SSU72: variants seen among roughly 807,000 people sequenced by gnomAD.
SSU72 encodes the protein RNA polymerase II subunit A C-terminal domain phosphatase SSU72.
SSU72 carries 12 observed loss-of-function variants against 22.7 expected under a neutral mutation model. That is an observed-to-expected ratio of 0.53 (90% CI 0.34 to 0.86). SSU72 has a LOEUF of 0.86. Among genes scored for constraint, SSU72 ranks in the 40% least tolerant of loss-of-function variants. The pLI, the probability that SSU72 is intolerant of heterozygous loss-of-function variation, is 0.02. For synonymous variants in SSU72, 116 were observed against 98.3 expected, an observed-to-expected ratio of 1.18 and a Z score of -1.06; for missense variants, 151 against 249.8, an observed-to-expected ratio of 0.60 and a Z score of 2.67.
intron 1 of SSU72, among the ~76,000 whole-genome samples, chr1:1,569,064 C>T (rs1557506388): frequency 6.6e-6 from 1 of 152,094 alleles, no homozygotes; most frequent in East Asian, 1.9e-4. Flanking sequence ...GTCCCAGCTA[C>T]GCAGGAGGCT....
At chr1:1,565,137 A>C (rs1451360084) in intron 1 of SSU72, among the ~76,000 whole-genome samples, 1 of 151,854 alleles carries the variant, frequency 6.6e-6, no homozygotes, top group Non-Finnish European at 1.5e-5. Flanking sequence ...CAGGCGGATC[A>C]TGAAGGCAGG....
At chr1:1,551,807 G>A (rs1404589158) in intron 2 of SSU72, among the ~76,000 whole-genome samples, 2 of 152,254 alleles carry the variant, frequency 1.3e-5, no homozygotes, top group Admixed American at 1.3e-4. Flanking sequence ...CTGAGGGAGG[G>A]TGGTGGGGCC....
chr1:1,565,326 T>C lies in SSU72; in HGVS notation c.81-410A>G, dbSNP rs554898472. On this transcript the variant is annotated intron_variant, in intron 1 of 4. Transcript: ENST00000291386. ...AGGCGGAGCTTGCAGTGAGCAGAGA[T>C]AGCACCACTGCACTCCAGCCTGGGC... is the stretch of plus-strand genomic sequence containing the variant. Among the ~76,000 whole-genome samples the C allele has an allele frequency of 6.6e-5, 10 of 152,288 alleles. No individual in the cohort carries two copies. The East Asian group carries it at 1.9e-3, about 29-fold the overall frequency.
At chr1:1,558,693 CCTT>C (rs370441336) in intron 2 of SSU72, among the ~76,000 whole-genome samples, 2 of 150,956 alleles carry the variant, frequency 1.3e-5, no homozygotes, top group East Asian at 4.0e-4. Flanking sequence ...CTCCCACACA[CCTT>C]CTCATGTGGC....
rs753699933 is a variant in SSU72 at position 1,571,244 on chromosome 1, C to CA, written c.80+3233dup. On this transcript the variant is annotated intron_variant, in intron 1 of 4. Transcript: ENST00000291386. Reference sequence around the variant, plus strand: ...TGGGCGACAGAGTGAGACTCCATCTCAAAAAAAAAAAAAAAAAAAAAAAAA... The same window carrying CA: ...TGGGCGACAGAGTGAGACTCCATCTCAAAAAAAAAAAAAAAAAAAAAAAAAA... 2.3e-3 allele frequency among the ~76,000 whole-genome samples: 107 copies of CA among 46,892 alleles called. 22 individuals are homozygous for CA. The highest frequency in any genetic ancestry group is 3.8e-3 in the Non-Finnish European group (84 of 22,144). 30.8% of individuals were successfully genotyped at this position (46,892 alleles called of 152,430 possible). A position where few individuals can be genotyped will look rare whatever the true frequency, so the allele number is the denominator to read the frequency against.
intron 2 of SSU72, among the ~76,000 whole-genome samples, chr1:1,559,703 G>C (rs6667347): frequency 0.49 from 74,311 of 151,902 alleles, 21,896 homozygotes; most frequent in East Asian, 0.86. Flanking sequence ...GGGATTACAG[G>C]CACACGCCAC....
chr1:1,564,291 C>T (rs1642631254), intron 2 of SSU72: 3 of 545,670 alleles, frequency 5.5e-6, no homozygotes, highest in African/African-American at 1.9e-5. Context: ...ATTATTTCTT[C>T]TAACAGCTTG....
chr1:1,563,827 C>A (rs1036342437), intron 2 of SSU72: 1 of 152,400 alleles, frequency 6.6e-6, no homozygotes, highest in South Asian at 2.1e-4. Flanking sequence ...CTCGCCACTG[C>A]ACTCCAGCCG....
Position 1,573,429 on chromosome 1 carries a change from C to CAA in SSU72, c.80+1047_80+1048dup, listed in dbSNP as rs56930035. Among the ~76,000 whole-genome samples the CAA allele has an allele frequency of 8.6e-4, 92 of 107,506 alleles. 2 individuals carry two copies. Among genetic ancestry groups the CAA allele is most frequent in the Non-Finnish European group, 1.8e-3 (71 of 39,000 alleles). 70.5% of individuals were successfully genotyped at this position (107,506 alleles called of 152,430 possible). On this transcript the variant is annotated intron_variant, in intron 1 of 4. Transcript: ENST00000291386. ...TGGGCGACAGAGCAAGACTCTGTCT[C>CAA]AAAAAAAAAAAAAAAAAAAAAAAAA...
intron 2 of SSU72, chr1:1,564,535 T>G: frequency 1.9e-6 from 3 of 1,549,344 alleles, no homozygotes; most frequent in Non-Finnish European, 2.6e-6. Flanking sequence ...CTGAACCACG[T>G]CAGGGTGAAC....
At chr1:1,551,433 C>A (rs1227352409) in intron 2 of SSU72, among the ~76,000 whole-genome samples, 1 of 152,198 alleles carries the variant, frequency 6.6e-6, no homozygotes, top group African/African-American at 2.4e-5. Context: ...TCACAGCACC[C>A]AAGCTGCTTT....
At chr1:1,556,785 TGCA>T (rs1642526595) in intron 2 of SSU72, among the ~76,000 whole-genome samples, 1 of 152,204 alleles carries the variant, frequency 6.6e-6, no homozygotes, top group South Asian at 2.1e-4. Flanking sequence ...TCTCACCTGC[TGCA>T]GACTAGGTGA....
intron 2 of SSU72, among the ~76,000 whole-genome samples, chr1:1,551,421 A>G (rs1224890400): frequency 3.3e-5 from 5 of 152,374 alleles, no homozygotes; most frequent in South Asian, 2.1e-4. Context: ...CTTCTCCCCA[A>G]ATCACAGCAC....
chr1:1,560,215 T>C (rs1189188763), intron 2 of SSU72, among the ~76,000 whole-genome samples: 1 of 152,024 alleles, frequency 6.6e-6, no homozygotes, highest in Non-Finnish European at 1.5e-5. Flanking sequence ...ACAAGAGTCT[T>C]GTTCTCTTCC....
intron 2 of SSU72, among the ~76,000 whole-genome samples, chr1:1,551,539 A>C (rs1225009301): frequency 7.3e-6 from 1 of 137,236 alleles, no homozygotes; most frequent in Non-Finnish European, 1.5e-5. Context: ...AGCTGCACCA[A>C]ATGCTACCTG....
At position 1,542,829 on chromosome 1, in the gene SSU72, TG is replaced by T. The variant is rs1642340622; in HGVS notation, c.484-663del. The stretch of plus-strand genomic sequence containing the variant: ...GACCTTTTCTCCTGCCAGGCGATCA[TG>T]AAGACCGTCCCTGGCGCTTCAGCAG... On this transcript the variant is annotated intron_variant, in intron 4 of 4. Transcript: ENST00000291386. This position sits in a 1 kb window ranked among gnomAD's most constrained non-coding sequence, Gnocchi z 4.4. Among the ~76,000 whole-genome samples the T allele has an allele frequency of 6.6e-6, 1 of 152,172 alleles. No homozygotes were observed. Among genetic ancestry groups the T allele is most frequent in the Non-Finnish European group, 1.5e-5 (1 of 68,040 alleles).
intron 2 of SSU72, chr1:1,546,333 G>A (rs1489098049): frequency 6.6e-6 from 1 of 152,212 alleles, no homozygotes; most frequent in Non-Finnish European, 1.5e-5. Flanking sequence ...GCATCCTTGG[G>A]TCACTGTCAG....
intron 2 of SSU72, among the ~76,000 whole-genome samples, chr1:1,558,625 G>T (rs1322593828): frequency 6.6e-6 from 1 of 152,226 alleles, no homozygotes; most frequent in Admixed American, 6.5e-5. Context: ...CAAAAAGCTG[G>T]TAAACCTTCA....
At chr1:1,560,687 T>C (rs1228639805) in intron 2 of SSU72, among the ~76,000 whole-genome samples, 3 of 152,176 alleles carry the variant, frequency 2.0e-5, no homozygotes, top group Non-Finnish European at 4.4e-5. Context: ...CAAGGAGATT[T>C]TGTATTTAAG....
Sources: gnomAD v4.1 joint callset for allele counts (sites outside exome capture counted in the v4.1 genomes callset) on GRCh38, gnomAD v4.1.1 for gene constraint, Gnocchi (gnomAD v3.1) non-coding constraint, MANE v1.5 for transcripts, NCBI Gene and HGNC (gene_info 2026-07-23, HGNC 2026-07-21) for gene names.